UGCG: variants seen among roughly 807,000 people sequenced by gnomAD.
UGCG encodes UDP-glucose ceramide glucosyltransferase.
In UGCG, 10 loss-of-function variants were observed where a neutral mutation model predicts 49.5. The ratio of observed to expected loss-of-function variants is 0.20; its 90% CI spans 0.12 to 0.34. The LOEUF (loss-of-function observed/expected upper bound fraction) is 0.34, where lower values mean the gene tolerates loss of function less well. Among genes scored for constraint, UGCG ranks in the 10% least tolerant of loss-of-function variants. The probability of loss-of-function intolerance (pLI) is 1.00; values close to 1 mark genes in which losing one functional copy is unlikely to be tolerated. For missense variants in UGCG, 312 were observed against 483.7 expected, an observed-to-expected ratio of 0.65 and a Z score of 3.33; for synonymous variants, 182 against 158.2, an observed-to-expected ratio of 1.15 and a Z score of -1.13.
intron 2 of UGCG, chr9:111,915,125 T>C (rs1838089246): frequency 6.0e-6 from 1 of 166,216 alleles, no homozygotes; most frequent in South Asian, 1.6e-4. Context: ...TGGGTTGCAG[T>C]ACAGCCAGAA....
At chr9:111,901,821 T>C (rs886538647) in intron 1 of UGCG, among the ~76,000 whole-genome samples, 13 of 152,268 alleles carry the variant, frequency 8.5e-5, no homozygotes, top group Non-Finnish European at 2.9e-5. Context: ...CTATCCTAGA[T>C]GTTGAAGCTA....
At chr9:111,931,681 A>G (rs559240507) in intron 7 of UGCG, among the ~76,000 whole-genome samples, 2 of 152,230 alleles carry the variant, frequency 1.3e-5, no homozygotes, top group Non-Finnish European at 2.9e-5. Context: ...AAATGAATTT[A>G]AAGACATTTT....
chr9:111,898,290 G>T (rs1241567966), intron 1 of UGCG, among the ~76,000 whole-genome samples: 1 of 151,998 alleles, frequency 6.6e-6, no homozygotes, highest in African/African-American at 2.4e-5. Context: ...TTTTAGTCTG[G>T]GGGGAGAAAA....
intron 2 of UGCG, among the ~76,000 whole-genome samples, chr9:111,919,698 G>A (rs1274740131): frequency 1.3e-5 from 2 of 149,348 alleles, no homozygotes; most frequent in African/African-American, 5.1e-5. Context: ...GGGAGGCTGA[G>A]GCAGGAGAAT....
intron 7 of UGCG, 54 bp from the exon 8 acceptor site, chr9:111,932,116 A>G (rs754190396): frequency 3.3e-6 from 5 of 1,521,934 alleles, no homozygotes; most frequent in Non-Finnish European, 4.5e-6. Context: ...AAAAAAAAGG[A>G]TTTGTCTTGT....
At chr9:111,897,349 G>T (rs1340702924) in intron 1 of UGCG, 36 bp downstream of exon 1, 1 of 1,517,108 alleles carries the variant, frequency 6.6e-7, no homozygotes, top group South Asian at 1.2e-5. Flanking sequence ...TCGGGGCAGG[G>T]GTCCGGGCCT....
intron 3 of UGCG, 74 bp from the exon 4 acceptor site, chr9:111,924,703 A>G (rs1209501701): frequency 1.6e-6 from 1 of 641,746 alleles, no homozygotes; most frequent in South Asian, 2.8e-5. Context: ...TCTCATTTCT[A>G]TCATGTATCT....
intron 1 of UGCG, among the ~76,000 whole-genome samples, chr9:111,909,292 GA>G (rs886415135): frequency 1.3e-5 from 2 of 151,328 alleles, no homozygotes; most frequent in Non-Finnish European, 2.9e-5. Context: ...AAATGTTTTT[GA>G]AAAAAAATCA....
chr9:111,897,846 T>C (rs1837693577), intron 1 of UGCG, among the ~76,000 whole-genome samples: 1 of 151,838 alleles, frequency 6.6e-6, no homozygotes, highest in East Asian at 1.9e-4. Context: ...CGAGCTGGCA[T>C]GATAGCTTTG....
chr9:111,932,443 T>C (rs1323607579), intron 8 of UGCG, 84 bp downstream of exon 8: 4 of 1,332,418 alleles, frequency 3.0e-6, no homozygotes, highest in Non-Finnish European at 4.1e-6. Context: ...AGGAAATGTA[T>C]CTGAGCCATT....
rs1837780360 is a variant in UGCG, at chr9:111,901,842, C to T, written c.98+4529C>T. On this transcript the variant is annotated intron_variant, in intron 1 of 8. Coordinates refer to ENST00000374279, the MANE Select transcript of UGCG (RefSeq NM_003358.3). Reference sequence around the variant, plus strand: ...TAGATGTTGAAGCTATGTCTACTCGCTGGTATCTCTAGCTGCAGCCTTGTG... The same window carrying T: ...TAGATGTTGAAGCTATGTCTACTCGTTGGTATCTCTAGCTGCAGCCTTGTG... Among the ~76,000 whole-genome samples the T allele has an allele frequency of 2.0e-5, 3 of 152,202 alleles. No individual in the cohort carries two copies. In the South Asian group the frequency reaches 6.2e-4, roughly 32 times the overall value.
chr9:111,899,723 A>C (rs1203026510), intron 1 of UGCG, among the ~76,000 whole-genome samples: 1 of 151,966 alleles, frequency 6.6e-6, no homozygotes, highest in African/African-American at 2.4e-5. Context: ...GCTTCCTCTT[A>C]GTATTTTTTT....
At chr9:111,903,795 C>T (rs1016278882) in intron 1 of UGCG, among the ~76,000 whole-genome samples, 8 of 152,028 alleles carry the variant, frequency 5.3e-5, no homozygotes, top group African/African-American at 1.4e-4. Flanking sequence ...GGGGTTCCGC[C>T]GTGTTGGCTA....
intron 2 of UGCG, among the ~76,000 whole-genome samples, chr9:111,918,153 C>T (rs1353048663): frequency 2.0e-5 from 3 of 152,064 alleles, no homozygotes; most frequent in Non-Finnish European, 4.4e-5. Flanking sequence ...GCAATTCTCC[C>T]GTGTCAGCCT....
chr9:111,918,881 C>T (rs1227643388), intron 2 of UGCG, among the ~76,000 whole-genome samples: 2 of 149,904 alleles, frequency 1.3e-5, no homozygotes, highest in Non-Finnish European at 3.0e-5. Context: ...GCGGAGATCG[C>T]GCCACAGCAC....
intron 3 of UGCG, among the ~76,000 whole-genome samples, chr9:111,923,721 C>A (rs1838269934): frequency 6.6e-6 from 1 of 152,062 alleles, no homozygotes; most frequent in Non-Finnish European, 1.5e-5. Flanking sequence ...CAACCCCTTC[C>A]ACCTGGGTTC....
intron 8 of UGCG, among the ~76,000 whole-genome samples, 177 bp from the exon 9 acceptor site, chr9:111,932,650 C>T (rs1157626593): frequency 6.6e-6 from 1 of 152,088 alleles, no homozygotes; most frequent in Non-Finnish European, 1.5e-5. Flanking sequence ...TATTTTAATG[C>T]TTCATTAACA....
In UGCG at chr9:111,917,144, G is replaced by C. The variant is rs77928222; in HGVS notation, c.240+2398G>C. Among the ~76,000 whole-genome samples the C allele has an allele frequency of 4.0e-3, 602 of 152,280 alleles. 5 individuals carry two copies. Among genetic ancestry groups the C allele is most frequent in the African/African-American group, 0.013 (546 of 41,568 alleles). On this transcript the variant is annotated intron_variant, in intron 2 of 8. Transcript: ENST00000374279. ...AAAGCTATTTTGACATTCATTGTAAGATGAAGAATAGCATCTGCAGATTAT... is the reference window on the plus strand; with the variant it reads ...AAAGCTATTTTGACATTCATTGTAACATGAAGAATAGCATCTGCAGATTAT...
chr9:111,901,060 C>T (rs1357798704), intron 1 of UGCG, among the ~76,000 whole-genome samples: 1 of 152,100 alleles, frequency 6.6e-6, no homozygotes, highest in African/African-American at 2.4e-5. Context: ...AAGTGATCCC[C>T]CCACCTTGGC....
Sources: allele counts gnomAD v4.1 joint callset (sites outside exome capture counted in the v4.1 genomes callset), GRCh38; gene constraint gnomAD v4.1.1; transcripts MANE v1.5; gene names NCBI Gene and HGNC (gene_info 2026-07-23, HGNC 2026-07-21).